The following ZNF385D variants were observed in gnomAD, a reference collection of about 807,000 sequenced individuals.
ZNF385D encodes the protein zinc finger protein 385D.
ZNF385D carries 15 observed loss-of-function variants against 35.8 expected under a neutral mutation model. That is an observed-to-expected ratio of 0.42 (90% confidence interval 0.28 to 0.64). The LOEUF is 0.64. Ranked by LOEUF, ZNF385D falls within the 30% of genes least tolerant of loss-of-function variation. The pLI is 0.23. For synonymous variants in ZNF385D, 212 were observed against 186.8 expected (o/e 1.13, Z -1.10); for missense variants, 474 against 494.6 (o/e 0.96, Z 0.39).
At chr3:21,515,596 G>A (rs1215718112) in intron 3 of ZNF385D, among the ~76,000 whole-genome samples, 1 of 152,234 alleles carries the variant, frequency 6.6e-6, no homozygotes, top group African/African-American at 2.4e-5. Context: ...AAAAGCAAGA[G>A]AAATTTAGCA....
chr3:21,630,734 A>C (rs545429893), intron 2 of ZNF385D, among the ~76,000 whole-genome samples: 1 of 152,232 alleles, frequency 6.6e-6, no homozygotes, highest in African/African-American at 2.4e-5. Context: ...TGGAATGAAA[A>C]GTCCTCTTTA....
At chr3:21,713,472 C>T (rs1420243894) in intron 1 of ZNF385D, among the ~76,000 whole-genome samples, 2 of 152,078 alleles carry the variant, frequency 1.3e-5, no homozygotes, top group African/African-American at 2.4e-5. Flanking sequence ...TCTAAGTGCT[C>T]TTCATCACCA....
At chr3:21,961,235 T>C (rs1049015481) in intron 3 of ZNF385D, among the ~76,000 whole-genome samples, 2 of 152,074 alleles carry the variant, frequency 1.3e-5, no homozygotes, top group African/African-American at 4.8e-5. Flanking sequence ...AATTTTTAAA[T>C]GAATGCCTGG....
chr3:21,662,468 T>C (rs550162590), intron 2 of ZNF385D, among the ~76,000 whole-genome samples: 1 of 152,324 alleles, frequency 6.6e-6, no homozygotes, highest in South Asian at 2.1e-4. Context: ...AGTCAATTTA[T>C]GGCAGTAAAA....
intron 3 of ZNF385D, among the ~76,000 whole-genome samples, chr3:21,886,545 G>C (rs1160982114): frequency 6.6e-6 from 1 of 151,894 alleles, no homozygotes; most frequent in East Asian, 1.9e-4. Context: ...AACTCAAGCA[G>C]ATATTGGATG....
At chr3:22,276,565 T>C (rs1297613632) in intron 2 of ZNF385D, among the ~76,000 whole-genome samples, 1 of 152,188 alleles carries the variant, frequency 6.6e-6, no homozygotes, top group Non-Finnish European at 1.5e-5. Flanking sequence ...GGCACATTTC[T>C]TGCTTGTATC....
chr3:22,251,846 A>C (rs1222300101), intron 2 of ZNF385D, among the ~76,000 whole-genome samples: 1 of 152,086 alleles, frequency 6.6e-6, no homozygotes, highest in Non-Finnish European at 1.5e-5. Context: ...TGAGTGTTAC[A>C]TAGACCTGGG....
intron 3 of ZNF385D, among the ~76,000 whole-genome samples, chr3:21,992,021 G>T (rs1030806678): frequency 6.6e-6 from 1 of 152,150 alleles, no homozygotes; most frequent in Admixed American, 6.5e-5. Flanking sequence ...TCTTTAGCAT[G>T]CTCATCTCTG....
intron 3 of ZNF385D, among the ~76,000 whole-genome samples, chr3:22,084,819 G>T (rs376916996): frequency 6.6e-6 from 1 of 152,120 alleles, no homozygotes; most frequent in Non-Finnish European, 1.5e-5. Context: ...TGACCACATA[G>T]TTGGAAGTAA....
chr3:22,324,450 G>T (rs1049150826), intron 2 of ZNF385D, among the ~76,000 whole-genome samples: 1 of 152,122 alleles, frequency 6.6e-6, no homozygotes, highest in African/African-American at 2.4e-5. Flanking sequence ...ATTTAGAATA[G>T]AAGTCCATTT....
At chr3:21,910,687 G>A (rs1031509873) in intron 3 of ZNF385D, among the ~76,000 whole-genome samples, 1 of 151,488 alleles carries the variant, frequency 6.6e-6, no homozygotes, top group African/African-American at 2.4e-5. Context: ...AAATATGAAC[G>A]TAGAAAAGTA....
At chr3:21,901,332 T>C (rs1444248641) in intron 3 of ZNF385D, among the ~76,000 whole-genome samples, 2 of 152,176 alleles carry the variant, frequency 1.3e-5, no homozygotes, top group Non-Finnish European at 2.9e-5. Flanking sequence ...TGAATCTTCA[T>C]CATCATATTT....
chr3:21,998,042 T>C (rs958647311), intron 3 of ZNF385D, among the ~76,000 whole-genome samples: 1 of 152,030 alleles, frequency 6.6e-6, no homozygotes, highest in Admixed American at 6.6e-5. Context: ...ACTATGAATT[T>C]TATTAATAAT....
At chr3:22,125,591 T>C (rs1385203627) in intron 3 of ZNF385D, among the ~76,000 whole-genome samples, 1 of 152,132 alleles carries the variant, frequency 6.6e-6, no homozygotes, top group Non-Finnish European at 1.5e-5. Flanking sequence ...TTATGTGTCA[T>C]CCTCAATTTC....
At chr3:22,178,454 T>G (rs1383770872) in intron 2 of ZNF385D, among the ~76,000 whole-genome samples, 6 of 152,360 alleles carry the variant, frequency 3.9e-5, no homozygotes, top group East Asian at 3.9e-4. Flanking sequence ...TAAATTTGTT[T>G]GAGTTCTTTG....
At chr3:21,457,760 CT>C (rs1480705793) in intron 4 of ZNF385D, among the ~76,000 whole-genome samples, 2 of 152,120 alleles carry the variant, frequency 1.3e-5, no homozygotes, top group Admixed American at 6.6e-5. Flanking sequence ...AAAACCTCAG[CT>C]GTAAGATCCA....
chr3:21,783,161 A>G (rs769142083), intron 3 of ZNF385D, among the ~76,000 whole-genome samples: 6 of 152,172 alleles, frequency 3.9e-5, no homozygotes, highest in African/African-American at 7.2e-5. Flanking sequence ...ATGAACTTTC[A>G]CGTCTTGGAA....
chr3:22,134,883 C>T (rs952486621), intron 3 of ZNF385D, among the ~76,000 whole-genome samples: 1 of 152,160 alleles, frequency 6.6e-6, no homozygotes, highest in Admixed American at 6.5e-5. Context: ...ATGACAGAAC[C>T]CTCATAGCCT....
At chr3:21,423,933 G>A (rs1299279106) in intron 7 of ZNF385D, 30 bp downstream of exon 7, 4 of 1,587,764 alleles carry the variant, frequency 2.5e-6, no homozygotes, top group South Asian at 2.3e-5. Context: ...TTTGGGAATA[G>A]AGGCTGGACT....
Sources: gnomAD v4.1 joint callset for allele counts (sites outside exome capture counted in the v4.1 genomes callset) on GRCh38, gnomAD v4.1.1 for gene constraint, MANE v1.5 for transcripts, NCBI Gene and HGNC (gene_info 2026-07-23, HGNC 2026-07-21) for gene names.